The following MAP1LC3B2 variants were observed in gnomAD, a reference collection of about 807,000 sequenced individuals.
MAP1LC3B2 encodes microtubule-associated protein 1 light chain 3 beta 2.
For synonymous variants in MAP1LC3B2, 62 were observed against 57.8 expected (o/e 1.07, Z -0.33); for missense variants, 155 against 154.6 (o/e 1.00, Z -0.01).
At chr12:116,573,917 G>T (rs563541779) in intron 1 of MAP1LC3B2, among the ~76,000 whole-genome samples, 2 of 152,178 alleles carry the variant, frequency 1.3e-5, no homozygotes, top group African/African-American at 4.8e-5. Context: ...AATGGCCAAC[G>T]AGCATATGAA....
rs1051251023 is a variant in MAP1LC3B2 at position 116,575,233 on chromosome 12, A to G, written c.-101-609A>G. ...TTATTCAATTTTTATTAAAAAAATAAAGAAGAAAAAAAGTCAAACTCTGAA... is the reference window on the plus strand; with the variant it reads ...TTATTCAATTTTTATTAAAAAAATAGAGAAGAAAAAAAGTCAAACTCTGAA... On this transcript the variant is annotated intron_variant, in intron 1 of 1. Coordinates refer to ENST00000556529, the MANE Select transcript of MAP1LC3B2 (RefSeq NM_001085481.3). 5.1e-4 allele frequency among the ~76,000 whole-genome samples: 78 copies of G among 152,146 alleles called. 1 individual carries two copies. The highest frequency in any genetic ancestry group is 2.1e-4 in the Non-Finnish European group (14 of 68,026).
chr12:116,562,004 A>G (rs1045051277), intron 1 of MAP1LC3B2, among the ~76,000 whole-genome samples: 1 of 146,878 alleles, frequency 6.8e-6, no homozygotes, highest in East Asian at 2.1e-4. Context: ...AGGAGAGGGT[A>G]TATCACCCAG....
At chr12:116,564,255 T>G (rs1162741753) in intron 1 of MAP1LC3B2, among the ~76,000 whole-genome samples, 3 of 152,266 alleles carry the variant, frequency 2.0e-5, no homozygotes, top group Non-Finnish European at 4.4e-5. Flanking sequence ...GGTCACATTT[T>G]CCTGCTTCTC....
rs1244709684 is a variant in MAP1LC3B2 at position 116,575,937 on chromosome 12, C to G, written c.-6C>G. The G allele has an allele frequency of 6.2e-7, 1 of 1,614,206 alleles. No individual in the cohort carries two copies. Reference sequence around the variant, plus strand: ...TCGTCGCCGCCGCGGCCCAGATCCCCACACCATGCCGTCGGAGAAGACCTT... The same window carrying G: ...TCGTCGCCGCCGCGGCCCAGATCCCGACACCATGCCGTCGGAGAAGACCTT... On this transcript the variant is annotated 5_prime_UTR_variant, in exon 2 of 2. Coordinates refer to ENST00000556529, the MANE Select transcript of MAP1LC3B2 (RefSeq NM_001085481.3).
chr12:116,572,369 CTT>C (rs34609295), intron 1 of MAP1LC3B2, among the ~76,000 whole-genome samples: 97 of 146,682 alleles, frequency 6.6e-4, no homozygotes, highest in Admixed American at 1.3e-3. Flanking sequence ...TGCCTCAGTT[CTT>C]TTTTTTTTTT....
intron 1 of MAP1LC3B2, among the ~76,000 whole-genome samples, chr12:116,568,802 G>A (rs1457852357): frequency 6.6e-6 from 1 of 152,022 alleles, no homozygotes; most frequent in Non-Finnish European, 1.5e-5. Flanking sequence ...GCCCTTGCCA[G>A]ACACTGGCAC....
In MAP1LC3B2 at chr12:116,570,008, C is replaced by T. The variant is rs147290199; in HGVS notation, c.-101-5834C>T. Among the ~76,000 whole-genome samples, 1,433 of 152,142 alleles carry T rather than the reference C, an allele frequency of 9.4e-3. 15 individuals carry two copies. The highest frequency in any genetic ancestry group is 0.026 in the African/African-American group (1,095 of 41,494). On this transcript the variant is annotated intron_variant, in intron 1 of 1. Coordinates refer to ENST00000556529, the MANE Select transcript of MAP1LC3B2 (RefSeq NM_001085481.3). ...GTCAGAGGTTGCAGGGAGCCGAGATCGCGCCACTGCACTCCAGCCTGGCCA... is the reference window on the plus strand; with the variant it reads ...GTCAGAGGTTGCAGGGAGCCGAGATTGCGCCACTGCACTCCAGCCTGGCCA...
chr12:116,569,477 C>G (rs999154941), intron 1 of MAP1LC3B2, among the ~76,000 whole-genome samples: 1 of 152,196 alleles, frequency 6.6e-6, no homozygotes, highest in Non-Finnish European at 1.5e-5. Context: ...ATGTACTTAA[C>G]ATCTGTTTCA....
At chr12:116,573,449 T>A (rs1054562473) in intron 1 of MAP1LC3B2, among the ~76,000 whole-genome samples, 1 of 152,212 alleles carries the variant, frequency 6.6e-6, no homozygotes, top group African/African-American at 2.4e-5. Context: ...CAAAACAGCA[T>A]AAACAAATAA....
intron 1 of MAP1LC3B2, among the ~76,000 whole-genome samples, chr12:116,565,946 C>T (rs1869374368): frequency 6.6e-6 from 1 of 152,032 alleles, no homozygotes; most frequent in African/African-American, 2.4e-5. Context: ...CGTGAGGTTT[C>T]TTTTTGCTAT....
intron 1 of MAP1LC3B2, among the ~76,000 whole-genome samples, chr12:116,566,376 T>C (rs1869385021): frequency 6.6e-6 from 1 of 152,046 alleles, no homozygotes; most frequent in Non-Finnish European, 1.5e-5. Context: ...ACCAAATATA[T>C]TGACAAATGC....
At chr12:116,571,097 A>C (rs1228534203) in intron 1 of MAP1LC3B2, among the ~76,000 whole-genome samples, 1 of 152,236 alleles carries the variant, frequency 6.6e-6, no homozygotes, top group Admixed American at 6.5e-5. Flanking sequence ...TTAAAGCTGC[A>C]ATTCTGTAAG....
intron 1 of MAP1LC3B2, among the ~76,000 whole-genome samples, chr12:116,566,832 G>A (rs570242019): frequency 1.6e-4 from 23 of 145,980 alleles, no homozygotes; most frequent in Non-Finnish European, 2.8e-4. Context: ...TCAGGAGGCG[G>A]AGGCAGGAAA....
intron 1 of MAP1LC3B2, among the ~76,000 whole-genome samples, chr12:116,563,023 G>A (rs1013739985): frequency 6.6e-6 from 1 of 152,114 alleles, no homozygotes; most frequent in Non-Finnish European, 1.5e-5. Context: ...GTGCAATGGC[G>A]CGATCTCGGC....
At chr12:116,573,554 G>C (rs983753444) in intron 1 of MAP1LC3B2, among the ~76,000 whole-genome samples, 1 of 151,952 alleles carries the variant, frequency 6.6e-6, no homozygotes, top group Non-Finnish European at 1.5e-5. Context: ...GAGTCGCTCT[G>C]TCGCCAGGCT....
At chr12:116,562,995 C>A (rs1423261645) in intron 1 of MAP1LC3B2, among the ~76,000 whole-genome samples, 2 of 152,124 alleles carry the variant, frequency 1.3e-5, no homozygotes, top group East Asian at 3.8e-4. Context: ...GAGTTTCGCT[C>A]TTGTTGTCCA....
At chr12:116,574,405 C>G (rs765887932) in intron 1 of MAP1LC3B2, among the ~76,000 whole-genome samples, 3 of 152,162 alleles carry the variant, frequency 2.0e-5, no homozygotes, top group South Asian at 4.2e-4. Flanking sequence ...CATAAGGAGG[C>G]CGAGGTGGGC....
At chr12:116,567,985 T>A (rs1240980978) in intron 1 of MAP1LC3B2, among the ~76,000 whole-genome samples, 1 of 152,182 alleles carries the variant, frequency 6.6e-6, no homozygotes, top group East Asian at 1.9e-4. Context: ...CCCAGCACAA[T>A]GCCTGATCTG....
intron 1 of MAP1LC3B2, among the ~76,000 whole-genome samples, chr12:116,572,040 T>C (rs1354924433): frequency 6.6e-6 from 1 of 151,820 alleles, no homozygotes; most frequent in Non-Finnish European, 1.5e-5. Context: ...TGATTGAATG[T>C]TACCGAGAGT....
Sources: gnomAD v4.1 joint callset for allele counts (sites outside exome capture counted in the v4.1 genomes callset) on GRCh38, gnomAD v4.1.1 for gene constraint, MANE v1.5 for transcripts, NCBI Gene and HGNC (gene_info 2026-07-23, HGNC 2026-07-21) for gene names.